The following DCAF11 variants were observed in gnomAD, a reference collection of about 807,000 sequenced individuals.
DCAF11 encodes the protein DDB1 and CUL4 associated factor 11.
A neutral mutation model predicts 76.1 loss-of-function variants in DCAF11; 44 were observed. That is an observed-to-expected ratio of 0.58 (90% CI 0.45 to 0.74). DCAF11 has a LOEUF of 0.74. Among genes scored for constraint, DCAF11 ranks in the 30% least tolerant of loss-of-function variants. The pLI, the probability that DCAF11 is intolerant of heterozygous loss-of-function variation, is 0.00. For missense variants in DCAF11, 604 were observed against 709.4 expected (o/e 0.85, Z 1.69); for synonymous variants, 258 against 255.0 (o/e 1.01, Z -0.11).
At chr14:24,118,585 TCC>T in intron 7 of DCAF11, 51 bp downstream of exon 7, 2 of 1,605,490 alleles carry the variant, frequency 1.2e-6, no homozygotes, top group Non-Finnish European at 1.7e-6. Context: ...ACCTGAGGTT[TCC>T]ATGTGCCTGT....
rs746599342 is a variant in DCAF11 at position 24,118,517 on chromosome 14, C to T, written c.707C>T (p.Ser236Phe). 1.2e-6 allele frequency: 2 copies of T among 1,614,048 alleles called. No homozygotes were observed. Among genetic ancestry groups the T allele is most frequent in the Non-Finnish European group, 1.7e-6 (2 of 1,180,036 alleles). The change falls in exon 7 of 15, where the codon TCT (serine) becomes TTT (phenylalanine). Residue 236 changes from serine to phenylalanine, a missense_variant. Ser to Phe is a radical substitution (Grantham distance 155). Coordinates refer to ENST00000446197, the MANE Select transcript of DCAF11 (RefSeq NM_025230.5). ...CCTGATGGGAACCACTTCCTCTACTCTAGCTGGTCTGATTACAGTGAGTAT... is the reference window on the plus strand; with the variant it reads ...CCTGATGGGAACCACTTCCTCTACTTTAGCTGGTCTGATTACAGTGAGTAT... ...FTPDGNHFLY[S>F]SWSDYIHICN...
chr14:24,118,890 G>C, intron 8 of DCAF11, 86 bp downstream of exon 8: 1 of 1,480,744 alleles, frequency 6.8e-7, no homozygotes, highest in South Asian at 1.1e-5. Context: ...TGGAAGTTCT[G>C]TTTAGGGGAA....
In DCAF11 at chr14:24,123,594, G is replaced by A; in HGVS notation, c.*285G>A. ...CCTCTGCCAGCAAGAGAAGTGTCCT[G>A]GGTGTTTTTAATCATGTTTGAATGT... On this transcript the variant is annotated 3_prime_UTR_variant, in exon 15 of 15. Transcript: ENST00000446197. 2 of 382,962 alleles carry A rather than the reference G, an allele frequency of 5.2e-6. No individual in the cohort carries two copies. The highest frequency in any genetic ancestry group is 9.2e-6 in the Non-Finnish European group (2 of 217,080). The allele number at this position is 382,962 out of a possible 1,614,324, so 23.7% of individuals were successfully genotyped here. A position where few individuals can be genotyped will look rare whatever the true frequency, so the allele number is the denominator to read the frequency against.
rs1451845572 is a variant in DCAF11 at position 24,114,791 on chromosome 14, G to A, written c.-716G>A. ...GCGGGGCCGTCGTGTGACGTTTGCA[G>A]CCCGCCGGCCAGGAAGCCGCGAGAT... On this transcript the variant is annotated 5_prime_UTR_variant, in exon 1 of 15. Coordinates refer to ENST00000446197, the MANE Select transcript of DCAF11 (RefSeq NM_025230.5). 2 of 985,858 alleles carry A rather than the reference G, an allele frequency of 2.0e-6. No homozygotes were observed. Among genetic ancestry groups the A allele is most frequent in the Non-Finnish European group, 2.4e-6 (2 of 829,980 alleles). The allele number at this position is 985,858 out of a possible 1,614,324, so 61.1% of individuals were successfully genotyped here. A position where few individuals can be genotyped will look rare whatever the true frequency, so the allele number is the denominator to read the frequency against.
At chr14:24,121,139 G>T in intron 12 of DCAF11, 148 bp downstream of exon 12, 1 of 1,283,974 alleles carries the variant, frequency 7.8e-7, no homozygotes, top group Non-Finnish European at 1.1e-6. Flanking sequence ...TGGGGCCTGG[G>T]TGGGGGTCAC....
Position 24,123,586 on chromosome 14 carries a change from A to G in DCAF11, c.*277A>G. ...GGGTGTGGCCTCTGCCAGCAAGAGA[A>G]GTGTCCTGGGTGTTTTTAATCATGT... On this transcript the variant is annotated 3_prime_UTR_variant, in exon 15 of 15. Transcript: ENST00000446197. 1 of 405,776 alleles carries G rather than the reference A, an allele frequency of 2.5e-6. No homozygotes were observed. The highest frequency in any genetic ancestry group is 2.0e-5 in the African/African-American group (1 of 49,090). The allele number at this position is 405,776 out of a possible 1,614,324, so 25.1% of individuals were successfully genotyped here.
At position 24,117,621 on chromosome 14, in the gene DCAF11, T is replaced by C; in HGVS notation, c.412-47T>C. The C allele has an allele frequency of 6.3e-7, 1 of 1,598,342 alleles. No individual in the cohort carries two copies. The highest frequency in any genetic ancestry group is 2.2e-5 in the East Asian group (1 of 44,612). The stretch of plus-strand genomic sequence containing the variant: ...AGGAGGGGGCTTGATATGGCTGAAG[T>C]GGCCCTCTATTTCTGCTAGCAATAT... On this transcript the variant is annotated intron_variant, in intron 4 of 14. Coordinates refer to ENST00000446197, the MANE Select transcript of DCAF11 (RefSeq NM_025230.5). The surrounding 1 kb of genome is among the most constrained non-coding windows in gnomAD (Gnocchi z 4.3).
Position 24,117,319 on chromosome 14 carries a change from G to T in DCAF11, c.337G>T (p.Val113Leu). Residue 113 changes from valine (V) to leucine (L), a missense_variant, in exon 4 of 15, where the codon GTG (valine) becomes TTG (leucine). Transcript: ENST00000446197. This position sits in a 1 kb window ranked among gnomAD's most constrained non-coding sequence, Gnocchi z 4.3. ...GGAATTCAATGAGATCAAGACACAA[G>T]TGGAACTGGCCACAGGGCAGCTGGG... ...ELEFNEIKTQ[V>L]ELATGQLGLR... The T allele has an allele frequency of 6.2e-7, 1 of 1,614,218 alleles. No homozygotes were observed. The highest frequency in any genetic ancestry group is 8.5e-7 in the Non-Finnish European group (1 of 1,180,040).
At chr14:24,122,925 A>C in intron 13 of DCAF11, 46 bp from the exon 14 acceptor site, 1 of 1,564,880 alleles carries the variant, frequency 6.4e-7, no homozygotes, top group Non-Finnish European at 8.8e-7. Flanking sequence ...GGGATAGTTT[A>C]GATGTCTTGT....
intron 11 of DCAF11, 107 bp from the exon 12 acceptor site, chr14:24,120,731 A>C (rs1376783220): frequency 7.2e-7 from 1 of 1,392,198 alleles, no homozygotes; most frequent in Non-Finnish European, 9.9e-7. Context: ...GAGGCAAGTA[A>C]AGCCAGAGGC....
In DCAF11 at chr14:24,123,418, G is replaced by T; in HGVS notation, c.*109G>T. ...GGAGGAATCACTGGCATTTGATGGGGAATAACATAAGCCTGGGCTCTGAGC... is the reference window on the plus strand; with the variant it reads ...GGAGGAATCACTGGCATTTGATGGGTAATAACATAAGCCTGGGCTCTGAGC... On this transcript the variant is annotated 3_prime_UTR_variant, in exon 15 of 15. Coordinates refer to ENST00000446197, the MANE Select transcript of DCAF11 (RefSeq NM_025230.5). 1.4e-6 allele frequency: 2 copies of T among 1,459,034 alleles called. No individual in the cohort carries two copies. The highest frequency in any genetic ancestry group is 1.5e-5 in the South Asian group (1 of 66,586). 90.4% of individuals were successfully genotyped at this position (1,459,034 alleles called of 1,614,324 possible). A position where few individuals can be genotyped will look rare whatever the true frequency, so the allele number is the denominator to read the frequency against.
rs1241171170 is a variant in DCAF11, at chr14:24,123,383, G to A, written c.*74G>A. ...CCTCCTCCTCCCTTTCTCCCTTGTGGGGAATGTTTGGAGGAATCACTGGCA... is the reference window on the plus strand; with the variant it reads ...CCTCCTCCTCCCTTTCTCCCTTGTGAGGAATGTTTGGAGGAATCACTGGCA... On this transcript the variant is annotated 3_prime_UTR_variant, in exon 15 of 15. Coordinates refer to ENST00000446197, the MANE Select transcript of DCAF11 (RefSeq NM_025230.5). 3 of 1,493,552 alleles carry A rather than the reference G, an allele frequency of 2.0e-6. No individual in the cohort carries two copies. The highest frequency in any genetic ancestry group is 2.7e-6 in the Non-Finnish European group (3 of 1,121,002). The allele number at this position is 1,493,552 out of a possible 1,614,324, so 92.5% of individuals were successfully genotyped here. A position where few individuals can be genotyped will look rare whatever the true frequency, so the allele number is the denominator to read the frequency against.
chr14:24,116,769 A>G lies in DCAF11; in HGVS notation c.156-148A>G, dbSNP rs1230605409. The G allele has an allele frequency of 5.0e-5, 56 of 1,111,432 alleles. 1 individual carries two copies. Among genetic ancestry groups the G allele is most frequent in the Non-Finnish European group, 7.3e-5 (56 of 769,844 alleles). 68.8% of individuals were successfully genotyped at this position (1,111,432 alleles called of 1,614,324 possible). Reference sequence around the variant, plus strand: ...AACTCTCTTTCCTACTGTGTTTTATAGGAGACCAAAAATAACAGCCAAGGT... The same window carrying G: ...AACTCTCTTTCCTACTGTGTTTTATGGGAGACCAAAAATAACAGCCAAGGT... On this transcript the variant is annotated intron_variant, in intron 2 of 14. Coordinates refer to ENST00000446197, the MANE Select transcript of DCAF11 (RefSeq NM_025230.5).
chr14:24,116,519 G>C (rs918675658), intron 2 of DCAF11, among the ~76,000 whole-genome samples: 1 of 152,158 alleles, frequency 6.6e-6, no homozygotes. Flanking sequence ...ACCGCACCCA[G>C]CTTAGAATAT....
chr14:24,121,054 C>T lies in DCAF11; in HGVS notation c.1246+63C>T, dbSNP rs1209736238. 6.3e-6 allele frequency: 10 copies of T among 1,587,316 alleles called. No homozygotes were observed. The East Asian group carries it at 9.0e-5, about 14-fold the overall frequency. On this transcript the variant is annotated intron_variant, in intron 12 of 14. Coordinates refer to ENST00000446197, the MANE Select transcript of DCAF11 (RefSeq NM_025230.5). ...AGCCTGGGAGCCCTGGAGGACCTCC[C>T]CCTCAGCCCTCTTTGCCAGGCATTA... is the stretch of plus-strand genomic sequence containing the variant.
In DCAF11 at chr14:24,122,904, T is replaced by C. The variant is rs929183360; in HGVS notation, c.1400-67T>C. 15 of 1,438,326 alleles carry C rather than the reference T, an allele frequency of 1.0e-5. No individual in the cohort carries two copies. The African/African-American group carries it at 2.0e-4, about 19-fold the overall frequency. The allele number at this position is 1,438,326 out of a possible 1,614,324, so 89.1% of individuals were successfully genotyped here. ...AGAGGCAGGTCAGTGGTGCTACTCATGGGGAGGTGAGGGATAGTTTAGATG... is the reference window on the plus strand; with the variant it reads ...AGAGGCAGGTCAGTGGTGCTACTCACGGGGAGGTGAGGGATAGTTTAGATG... On this transcript the variant is annotated intron_variant, in intron 13 of 14. Coordinates refer to ENST00000446197, the MANE Select transcript of DCAF11 (RefSeq NM_025230.5).
chr14:24,114,980 G>A lies in DCAF11; in HGVS notation c.-527G>A, dbSNP rs2037508748. 3.0e-6 allele frequency: 3 copies of A among 985,968 alleles called. No homozygotes were observed. The highest frequency in any genetic ancestry group is 3.6e-6 in the Non-Finnish European group (3 of 829,970). The allele number at this position is 985,968 out of a possible 1,614,324, so 61.1% of individuals were successfully genotyped here. A position where few individuals can be genotyped will look rare whatever the true frequency, so the allele number is the denominator to read the frequency against. On this transcript the variant is annotated 5_prime_UTR_variant, in exon 1 of 15. Coordinates refer to ENST00000446197, the MANE Select transcript of DCAF11 (RefSeq NM_025230.5). Reference sequence around the variant, plus strand: ...CGGCTTCAGTGGGAGGTGCTTCTCGGCTTCCTCCCCCTCATGGCGTACACA... The same window carrying A: ...CGGCTTCAGTGGGAGGTGCTTCTCGACTTCCTCCCCCTCATGGCGTACACA...
At position 24,119,621 on chromosome 14, in the gene DCAF11, G is replaced by A. The variant is rs776425957; in HGVS notation, c.906+5G>A. 1.7e-5 allele frequency: 27 copies of A among 1,614,054 alleles called. No individual in the cohort carries two copies. In the African/African-American group the frequency reaches 3.3e-4, roughly 20 times the overall value. Reference sequence around the variant, plus strand: ...CAGAACCGGCGCACCCTTCAGGTATGGCTCCTGAGATAGAGCCTCTGCCTC... The same window carrying A: ...CAGAACCGGCGCACCCTTCAGGTATAGCTCCTGAGATAGAGCCTCTGCCTC... On this transcript the variant is annotated splice_donor_5th_base_variant and intron_variant, in intron 10 of 14. Transcript: ENST00000446197.
At position 24,114,923 on chromosome 14, in the gene DCAF11, T is replaced by C; in HGVS notation, c.-584T>C. The C allele has an allele frequency of 1.0e-6, 1 of 986,020 alleles. No individual in the cohort carries two copies. Among genetic ancestry groups the C allele is most frequent in the Non-Finnish European group, 1.2e-6 (1 of 829,996 alleles). The allele number at this position is 986,020 out of a possible 1,614,324, so 61.1% of individuals were successfully genotyped here. ...TGCGGGTCCTGCGACCGCTCCTGGC[T>C]GGTGGGTGGTCTCGCGTGGGGCGGT... is the stretch of plus-strand genomic sequence containing the variant. On this transcript the variant is annotated 5_prime_UTR_variant, in exon 1 of 15. Coordinates refer to ENST00000446197, the MANE Select transcript of DCAF11 (RefSeq NM_025230.5).
Sources: gnomAD v4.1 joint callset for allele counts (sites outside exome capture counted in the v4.1 genomes callset) on GRCh38, gnomAD v4.1.1 for gene constraint, Gnocchi (gnomAD v3.1) non-coding constraint, MANE v1.5 for transcripts, NCBI Gene and HGNC (gene_info 2026-07-23, HGNC 2026-07-21) for gene names.